Variants in TENM2 observed in about 807,000 individuals in gnomAD.
TENM2 encodes teneurin-2.
TENM2 carries 52 observed loss-of-function variants against 245.2 expected under a neutral mutation model. The observed-to-expected ratio is 0.21, with a 90% CI of 0.17 to 0.27. TENM2 has a LOEUF of 0.27. TENM2 is among the 10% of genes least tolerant of loss of function. The probability of loss-of-function intolerance (pLI) is 1.00; values close to 1 mark genes in which losing one functional copy is unlikely to be tolerated. For missense variants in TENM2, 3,046 were observed against 3,666.8 expected, an observed-to-expected ratio of 0.83 and a Z score of 4.37; for synonymous variants, 1,363 against 1,438.9, an observed-to-expected ratio of 0.95 and a Z score of 1.19.
At chr5:168,184,558 A>C (rs115348172) in intron 13 of TENM2, among the ~76,000 whole-genome samples, 1 of 152,232 alleles carries the variant, frequency 6.6e-6, no homozygotes, top group Admixed American at 6.5e-5. Flanking sequence ...CAAATTCTCT[A>C]TAAGCTGCCC....
chr5:167,926,606 A>G (rs985287414), intron 3 of TENM2, among the ~76,000 whole-genome samples: 11 of 152,060 alleles, frequency 7.2e-5, no homozygotes, highest in Admixed American at 3.9e-4. Flanking sequence ...CCGTAATGCT[A>G]GCTACTTGGG....
At chr5:168,253,221 C>T (rs1395214910) in intron 27 of TENM2, among the ~76,000 whole-genome samples, 1 of 151,994 alleles carries the variant, frequency 6.6e-6, no homozygotes, top group Non-Finnish European at 1.5e-5. Flanking sequence ...CCTGCCTCGG[C>T]CTCCCAAAGT....
In TENM2 at chr5:167,749,438, G is replaced by A. The variant is rs193197710; in HGVS notation, c.503-126548G>A. Among the ~76,000 whole-genome samples the A allele has an allele frequency of 1.5e-3, 224 of 152,232 alleles. 1 individual carries two copies. The highest frequency in any genetic ancestry group is 5.1e-3 in the African/African-American group (211 of 41,536). ...GCAGATCATGAGGTCAGGAGTTCAA[G>A]ACCAGCCTGGCCAACTTGATGAAAC... On this transcript the variant is annotated intron_variant, in intron 2 of 28. Transcript: ENST00000518659.
intron 2 of TENM2, among the ~76,000 whole-genome samples, chr5:167,496,948 T>G (rs1582207117): frequency 1.3e-5 from 2 of 152,050 alleles, no homozygotes; most frequent in Middle Eastern, 6.8e-3. Flanking sequence ...AATTTGAAGA[T>G]TCTATCAAAA....
chr5:168,029,095 G>T (rs1786875766), intron 5 of TENM2, among the ~76,000 whole-genome samples: 1 of 152,190 alleles, frequency 6.6e-6, no homozygotes, highest in Admixed American at 6.5e-5. Flanking sequence ...CAGATTCAGT[G>T]AGGGCTCGAT....
chr5:168,183,090 A>C (rs1183911458), intron 13 of TENM2, among the ~76,000 whole-genome samples: 1 of 152,086 alleles, frequency 6.6e-6, no homozygotes, highest in Non-Finnish European at 1.5e-5. Context: ...TCGGCTTCTC[A>C]AAGTGCTGGG....
intron 1 of TENM2, among the ~76,000 whole-genome samples, chr5:167,318,785 G>A (rs1275091564): frequency 1.3e-5 from 2 of 152,262 alleles, no homozygotes; most frequent in Non-Finnish European, 2.9e-5. Flanking sequence ...GCCCCTCCTG[G>A]TGTTCCCAAC....
At position 168,069,577 on chromosome 5, in the gene TENM2, A is replaced by G. The variant is rs148034033; in HGVS notation, c.1515+7312A>G. On this transcript the variant is annotated intron_variant, in intron 7 of 28. Coordinates refer to ENST00000518659, the Ensembl canonical transcript of TENM2. The stretch of plus-strand genomic sequence containing the variant: ...CAATGTAACAGGGACTGATTGTTCC[A>G]TGTGCATTATCTTGTTTTATCTTCA... Among the ~76,000 whole-genome samples, 128 of 152,304 alleles carry G rather than the reference A, an allele frequency of 8.4e-4. 1 individual carries two copies. Among genetic ancestry groups the G allele is most frequent in the Middle Eastern group, 6.8e-3 (2 of 294 alleles).
At chr5:167,452,569 G>C (rs1396008841) in intron 2 of TENM2, among the ~76,000 whole-genome samples, 1 of 152,118 alleles carries the variant, frequency 6.6e-6, no homozygotes, top group Admixed American at 6.5e-5. Flanking sequence ...CTGAGAATTG[G>C]AAAGGAGAAC....
intron 13 of TENM2, among the ~76,000 whole-genome samples, chr5:168,178,029 G>C (rs1457567928): frequency 6.6e-6 from 1 of 152,138 alleles, no homozygotes; most frequent in Non-Finnish European, 1.5e-5. Context: ...GCAGTCTGGG[G>C]CATTTCTTTA....
the TENM2 span, among the ~76,000 whole-genome samples, chr5:166,984,663 G>T: frequency 2.6e-5 from 4 of 151,978 alleles, no homozygotes. Flanking sequence ...TTCCTAGATT[G>T]TTTCTAGGAA....
chr5:167,554,294 T>C (rs887587839), intron 2 of TENM2, among the ~76,000 whole-genome samples: 1 of 152,170 alleles, frequency 6.6e-6, no homozygotes, highest in African/African-American at 2.4e-5. Flanking sequence ...ATACTCTAAA[T>C]AGAAAAGATG....
At chr5:168,149,499 CG>C in intron 12 of TENM2, 1 of 393,108 alleles carries the variant, frequency 2.5e-6, no homozygotes, top group Non-Finnish European at 4.9e-6. Flanking sequence ...CTTCCCTTTC[CG>C]AGGCATGTTA....
At chr5:167,512,588 G>C (rs1024566983) in intron 2 of TENM2, among the ~76,000 whole-genome samples, 2 of 152,100 alleles carry the variant, frequency 1.3e-5, no homozygotes, top group Non-Finnish European at 2.9e-5. Flanking sequence ...AGCATCTTTT[G>C]TATGTTTATT....
chr5:167,758,027 TA>T (rs1259797988), intron 2 of TENM2, among the ~76,000 whole-genome samples: 9 of 152,182 alleles, frequency 5.9e-5, no homozygotes, highest in African/African-American at 2.2e-4. Flanking sequence ...TGTCAATACA[TA>T]AGTGCAAAGT....
intron 2 of TENM2, among the ~76,000 whole-genome samples, chr5:167,817,001 C>G (rs960201337): frequency 1.2e-4 from 19 of 152,176 alleles, no homozygotes; most frequent in African/African-American, 4.6e-4. Context: ...GTGAATAAAA[C>G]AGGGCCTTGT....
chr5:167,762,116 T>G (rs566171254), intron 2 of TENM2, among the ~76,000 whole-genome samples: 1 of 152,198 alleles, frequency 6.6e-6, no homozygotes, highest in African/African-American at 2.4e-5. Flanking sequence ...AGTGACTAAT[T>G]TTTAGTCTCT....
exon 27 of TENM2, chr5:168,248,331 T>C: frequency 6.2e-7 from 1 of 1,613,906 alleles, no homozygotes; most frequent in Non-Finnish European, 8.5e-7. Flanking sequence ...AGAGCAACAA[T>C]CCTCTCAGCA....
At chr5:167,385,833 G>C (rs1418305825) in intron 2 of TENM2, among the ~76,000 whole-genome samples, 1 of 150,532 alleles carries the variant, frequency 6.6e-6, no homozygotes, top group Non-Finnish European at 1.5e-5. Context: ...TTTTGTGGCT[G>C]AGTAGTATTC....
Sources: gnomAD v4.1 joint callset for allele counts (sites outside exome capture counted in the v4.1 genomes callset) on GRCh38, gnomAD v4.1.1 for gene constraint, MANE v1.5 for transcripts, NCBI Gene and HGNC (gene_info 2026-07-23, HGNC 2026-07-21) for gene names.